Variants in CD55 observed in about 807,000 individuals in gnomAD.
CD55 encodes the protein complement decay-accelerating factor.
CD55 carries 41 observed loss-of-function variants against 45.8 expected under a neutral mutation model. That is an observed-to-expected ratio of 0.90 (90% CI 0.70 to 1.16). The LOEUF (loss-of-function observed/expected upper bound fraction) is 1.16. Ranked by LOEUF, CD55 falls within the 50% of genes most tolerant of loss-of-function variation. CD55 has a pLI of 0.00. For missense variants in CD55, 416 were observed against 469.8 expected (o/e 0.89, Z 1.06); for synonymous variants, 181 against 181.1 (o/e 1.00, Z 0.01).
At chr1:207,337,250 C>A in intron 7 of CD55, 79 bp from the exon 8 acceptor site, 2 of 918,224 alleles carry the variant, frequency 2.2e-6, no homozygotes, top group Non-Finnish European at 3.6e-6. Context: ...TTCAGCAGCA[C>A]GTAAGTCCAC....
intron 2 of CD55, among the ~76,000 whole-genome samples, chr1:207,324,167 T>G (rs1211335348): frequency 6.6e-6 from 1 of 152,244 alleles, no homozygotes; most frequent in African/African-American, 2.4e-5. Flanking sequence ...CTGCTATTAT[T>G]GTTGTGCAGG....
At chr1:207,322,241 A>G in intron 1 of CD55, 141 bp from the exon 2 acceptor site, 2 of 777,598 alleles carry the variant, frequency 2.6e-6, no homozygotes, top group Non-Finnish European at 4.6e-6. Flanking sequence ...GACAGAGTCC[A>G]GCCGTGTGGA....
chr1:207,322,688 A>G, intron 2 of CD55, 121 bp downstream of exon 2: 2 of 826,202 alleles, frequency 2.4e-6, no homozygotes, highest in Middle Eastern at 5.3e-4. Context: ...CCCAGGGTAT[A>G]CCCTGTTGGC....
In CD55 at chr1:207,321,756, C is replaced by T. The variant is rs1654409671; in HGVS notation, c.-10C>T. 1 of 1,508,188 alleles carries T rather than the reference C, an allele frequency of 6.6e-7. No individual in the cohort carries two copies. The allele number at this position is 1,508,188 out of a possible 1,614,324, so 93.4% of individuals were successfully genotyped here. A position where few individuals can be genotyped will look rare whatever the true frequency, so the allele number is the denominator to read the frequency against. ...CCCGGCGGCGCGTCCTTGTTCTAAC[C>T]CGGCGCGCCATGACCGTCGCGCGGC... On this transcript the variant is annotated 5_prime_UTR_variant, in exon 1 of 10. Coordinates refer to ENST00000367064, the MANE Select transcript of CD55 (RefSeq NM_000574.5).
At chr1:207,339,550 T>G in intron 9 of CD55, 133 bp downstream of exon 9, 1 of 701,978 alleles carries the variant, frequency 1.4e-6, no homozygotes, top group East Asian at 2.7e-5. Context: ...AACTTTTTAG[T>G]ATGGAAAACT....
intron 9 of CD55, among the ~76,000 whole-genome samples, chr1:207,356,830 G>A (rs919842572): frequency 1.3e-5 from 2 of 152,186 alleles, no homozygotes; most frequent in African/African-American, 2.4e-5. Context: ...TAAATGTCAC[G>A]ATTGGCTCTG....
At chr1:207,330,013 T>G (rs1654870514) in intron 5 of CD55, among the ~76,000 whole-genome samples, 2 of 139,554 alleles carry the variant, frequency 1.4e-5, no homozygotes, top group Non-Finnish European at 3.1e-5. Flanking sequence ...CTTGCATTTT[T>G]TATTGAAATC....
chr1:207,351,931 T>C (rs1334617575), intron 9 of CD55, among the ~76,000 whole-genome samples: 1 of 152,156 alleles, frequency 6.6e-6, no homozygotes, highest in Non-Finnish European at 1.5e-5. Flanking sequence ...TTGTGTGTGA[T>C]TTCATATTTG....
intron 6 of CD55, among the ~76,000 whole-genome samples, chr1:207,332,942 C>A (rs1318185168): frequency 6.6e-6 from 1 of 152,190 alleles, no homozygotes; most frequent in East Asian, 1.9e-4. Flanking sequence ...TCACCTTGAC[C>A]CAGACAAAAG....
intron 9 of CD55, among the ~76,000 whole-genome samples, chr1:207,355,269 C>T (rs1034221739): frequency 8.2e-6 from 1 of 121,746 alleles, no homozygotes; most frequent in African/African-American, 3.1e-5. Flanking sequence ...TGTCATCTGT[C>T]ATTTCCTTTG....
At chr1:207,351,202 AAGAG>A (rs1655854178) in intron 9 of CD55, among the ~76,000 whole-genome samples, 1 of 152,178 alleles carries the variant, frequency 6.6e-6, no homozygotes, top group African/African-American at 2.4e-5. Flanking sequence ...GCTGTGGCCT[AAGAG>A]TATGGTTAGT....
chr1:207,333,833 T>C (rs2102401484), intron 6 of CD55, among the ~76,000 whole-genome samples: 1 of 152,006 alleles, frequency 6.6e-6, no homozygotes, highest in South Asian at 2.1e-4. Flanking sequence ...CCCAAACTGA[T>C]GCACAAAGAG....
chr1:207,351,598 T>G (rs1248629712), intron 9 of CD55, among the ~76,000 whole-genome samples: 2 of 152,206 alleles, frequency 1.3e-5, no homozygotes, highest in Non-Finnish European at 2.9e-5. Flanking sequence ...TTATTTTATA[T>G]TTTGAATGAA....
At chr1:207,333,578 A>C (rs1394661945) in intron 6 of CD55, among the ~76,000 whole-genome samples, 1 of 152,254 alleles carries the variant, frequency 6.6e-6, no homozygotes, top group Admixed American at 6.5e-5. Context: ...GACCAAATCA[A>C]GAGAAAACAA....
intron 5 of CD55, 66 bp from the exon 6 acceptor site, chr1:207,331,042 G>C (rs1654919090): frequency 8.8e-7 from 1 of 1,136,066 alleles, no homozygotes; most frequent in Non-Finnish European, 1.3e-6. Context: ...AACATGTTTT[G>C]ATCTTATTTG....
chr1:207,337,204 AT>A, intron 7 of CD55, 124 bp from the exon 8 acceptor site: 2 of 690,454 alleles, frequency 2.9e-6, no homozygotes, highest in Non-Finnish European at 5.2e-6. Flanking sequence ...CAGCCCAAAA[AT>A]TCACCACAGC....
At chr1:207,347,252 A>G in intron 9 of CD55, 1 of 454,106 alleles carries the variant, frequency 2.2e-6, no homozygotes, top group South Asian at 1.6e-5. Flanking sequence ...CCAAAGGGAA[A>G]ATGGGTAAAC....
intron 9 of CD55, among the ~76,000 whole-genome samples, chr1:207,356,016 A>G (rs562429187): frequency 1.8e-4 from 27 of 152,350 alleles, no homozygotes; most frequent in Middle Eastern, 3.4e-3. Flanking sequence ...AGCCATATAC[A>G]AAATGCAATT....
chr1:207,353,393 A>T (rs546248250), intron 9 of CD55, among the ~76,000 whole-genome samples: 50 of 152,118 alleles, frequency 3.3e-4, no homozygotes, highest in Non-Finnish European at 1.6e-4. Flanking sequence ...TATAGAAAAT[A>T]TTTTTTCTGT....
Sources: allele counts gnomAD v4.1 joint callset (sites outside exome capture counted in the v4.1 genomes callset), GRCh38; gene constraint gnomAD v4.1.1; transcripts MANE v1.5; gene names NCBI Gene and HGNC (gene_info 2026-07-23, HGNC 2026-07-21).